Variants in SEM1 observed in about 807,000 individuals in gnomAD.
SEM1 encodes the protein 26S proteasome complex subunit SEM1.
Under a neutral mutation model 12.7 loss-of-function variants are expected in SEM1, and 3 were observed. That is an observed-to-expected ratio of 0.24 (90% CI 0.11 to 0.61). The LOEUF (loss-of-function observed/expected upper bound fraction) is 0.61, where lower values mean the gene tolerates loss of function less well. Among genes scored for constraint, SEM1 ranks in the 20% least tolerant of loss-of-function variants. The probability of loss-of-function intolerance (pLI) is 0.88; values close to 1 mark genes in which losing one functional copy is unlikely to be tolerated. For missense variants in SEM1, 59 were observed against 81.3 expected (o/e 0.73, Z 1.06); for synonymous variants, 30 against 27.8 (o/e 1.08, Z -0.25).
chr7:96,706,574 A>C lies in SEM1; in HGVS notation c.76+3114T>G, dbSNP rs5018072. Among the ~76,000 whole-genome samples, 372 of 53,416 alleles carry C rather than the reference A, an allele frequency of 7.0e-3. 1 individual carries two copies. Among genetic ancestry groups the C allele is most frequent in the South Asian group, 9.9e-3 (12 of 1,214 alleles). The allele number at this position is 53,416 out of a possible 152,430, so 35.0% of individuals were successfully genotyped here. A position where few individuals can be genotyped will look rare whatever the true frequency, so the allele number is the denominator to read the frequency against. ...TGAAACTCCATCTCAAACAAACAAA[A>C]AAAAAAAAAAAAAAAAAAAAAGAGA... On this transcript the variant is annotated intron_variant, in intron 1 of 2. Transcript: ENST00000248566.
intron 2 of SEM1, among the ~76,000 whole-genome samples, chr7:96,579,124 T>G (rs1056871950): frequency 2.0e-5 from 3 of 152,238 alleles, no homozygotes; most frequent in African/African-American, 7.2e-5. Context: ...CATTGAATTT[T>G]TATTTTTCTA....
At chr7:96,581,786 G>A (rs1317502860) in intron 2 of SEM1, among the ~76,000 whole-genome samples, 1 of 151,304 alleles carries the variant, frequency 6.6e-6, no homozygotes, top group African/African-American at 2.4e-5. Context: ...TGTTGTTGGT[G>A]TATAAGAATG....
intron 2 of SEM1, among the ~76,000 whole-genome samples, chr7:96,523,594 C>T (rs1770636405): frequency 1.3e-5 from 2 of 152,052 alleles, no homozygotes; most frequent in South Asian, 4.1e-4. Context: ...CGGTTCAGAC[C>T]ATTAGCTTAT....
At chr7:96,676,451 A>G (rs1163319872) in intron 2 of SEM1, among the ~76,000 whole-genome samples, 1 of 152,208 alleles carries the variant, frequency 6.6e-6, no homozygotes, top group Non-Finnish European at 1.5e-5. Flanking sequence ...CACAATTATT[A>G]AAAGGGTTGA....
In SEM1 at chr7:96,595,759, G is replaced by A. The variant is rs949023276; in HGVS notation, c.171-89061C>T. ...TCTGTGCTTAATTTTATATTCATAA[G>A]TGTTCTATTCTGTTTGTTAAAGAAG... On this transcript the variant is annotated intron_variant and NMD_transcript_variant, in intron 2 of 3. Transcript: ENST00000466986. 2.0e-5 allele frequency among the ~76,000 whole-genome samples: 3 copies of A among 151,896 alleles called. No homozygotes were observed. In the East Asian group the frequency reaches 5.8e-4, roughly 29 times the overall value.
At chr7:96,482,091 C>T (rs1418553646) in exon 4 of SEM1, 1 of 152,138 alleles carries the variant, frequency 6.6e-6, no homozygotes, top group South Asian at 2.1e-4. Flanking sequence ...TCTCATAACC[C>T]AGCACTATTT....
chr7:96,490,537 T>G (rs1802965330), intron 1 of SEM1, among the ~76,000 whole-genome samples: 1 of 152,294 alleles, frequency 6.6e-6, no homozygotes, highest in Admixed American at 6.5e-5. Context: ...TTTTGTACAG[T>G]GTAAATGATT....
At chr7:96,708,937 T>C (rs964183351) in intron 1 of SEM1, among the ~76,000 whole-genome samples, 33 of 132,492 alleles carry the variant, frequency 2.5e-4, no homozygotes, top group Middle Eastern at 3.5e-3. Flanking sequence ...TCTTTAGTTT[T>C]GAAGCTAAAA....
intron 1 of SEM1, among the ~76,000 whole-genome samples, chr7:96,705,230 G>A (rs1217224892): frequency 1.3e-5 from 2 of 151,926 alleles, no homozygotes; most frequent in Non-Finnish European, 2.9e-5. Flanking sequence ...GATTTCTTCA[G>A]ACTATATAGA....
intron 2 of SEM1, among the ~76,000 whole-genome samples, chr7:96,609,626 C>T (rs1161418281): frequency 6.6e-6 from 1 of 152,086 alleles, no homozygotes; most frequent in Non-Finnish European, 1.5e-5. Context: ...CATTATGATA[C>T]AGCATTTGAC....
intron 2 of SEM1, among the ~76,000 whole-genome samples, chr7:96,586,663 G>A (rs1387014240): frequency 6.6e-6 from 1 of 152,202 alleles, no homozygotes; most frequent in East Asian, 1.9e-4. Context: ...AGAATTCACA[G>A]AAGAGGAGAT....
intron 2 of SEM1, among the ~76,000 whole-genome samples, chr7:96,676,743 ACAAAT>A (rs1393552920): frequency 6.6e-6 from 1 of 152,132 alleles, no homozygotes; most frequent in Non-Finnish European, 1.5e-5. Context: ...ATTTTACATC[ACAAAT>A]TTATACAGAG....
chr7:96,614,620 C>A (rs966374083), intron 2 of SEM1, among the ~76,000 whole-genome samples: 2 of 152,198 alleles, frequency 1.3e-5, no homozygotes, highest in Admixed American at 6.5e-5. Context: ...AACAGAGAAG[C>A]ACGCCTTAGC....
chr7:96,644,321 T>C (rs1176717208), intron 2 of SEM1, among the ~76,000 whole-genome samples: 3 of 152,162 alleles, frequency 2.0e-5, no homozygotes, highest in African/African-American at 7.2e-5. Context: ...TGGATTATCT[T>C]GACCAAGTTC....
At chr7:96,563,340 G>A (rs995372798) in intron 2 of SEM1, among the ~76,000 whole-genome samples, 1 of 151,954 alleles carries the variant, frequency 6.6e-6, no homozygotes, top group African/African-American at 2.4e-5. Flanking sequence ...GGAGGGATGT[G>A]CTGGAGGTTT....
chr7:96,486,256 T>G, exon 2 of SEM1: 1 of 1,537,154 alleles, frequency 6.5e-7, no homozygotes, highest in Admixed American at 2.0e-5. Flanking sequence ...TCTCCAAGTT[T>G]ATCTGTTGCT....
chr7:96,637,265 G>T (rs560535852), intron 2 of SEM1: 1 of 151,990 alleles, frequency 6.6e-6, no homozygotes, highest in Non-Finnish European at 1.5e-5. Flanking sequence ...GTCTCAGTGC[G>T]TTCTTCACCC....
intron 2 of SEM1, among the ~76,000 whole-genome samples, chr7:96,666,288 G>A (rs922347127): frequency 3.3e-5 from 5 of 152,132 alleles, no homozygotes; most frequent in African/African-American, 1.2e-4. Context: ...TCTAGCCCAG[G>A]AAGGATGAGC....
At chr7:96,544,575 C>A (rs1805050564) in intron 2 of SEM1, among the ~76,000 whole-genome samples, 1 of 151,938 alleles carries the variant, frequency 6.6e-6, no homozygotes, top group South Asian at 2.1e-4. Flanking sequence ...ACAATTGACA[C>A]TTAAACAACA....
Sources: allele counts gnomAD v4.1 joint callset (sites outside exome capture counted in the v4.1 genomes callset), GRCh38; gene constraint gnomAD v4.1.1; transcripts MANE v1.5; gene names NCBI Gene and HGNC (gene_info 2026-07-23, HGNC 2026-07-21).